NADK2: variants seen among roughly 807,000 people sequenced by gnomAD.
NADK2 encodes the protein NAD kinase domain-containing protein 1, mitochondrial.
NADK2 carries 35 observed loss-of-function variants against 62.1 expected under a neutral mutation model. That is an observed-to-expected ratio of 0.56 (90% CI 0.43 to 0.75). NADK2 has a LOEUF of 0.75. NADK2 is among the 30% of genes least tolerant of loss of function. The pLI is 0.00. For missense variants in NADK2, 439 were observed against 561.3 expected (o/e 0.78, Z 2.20); for synonymous variants, 205 against 207.9 (o/e 0.99, Z 0.12).
chr5:36,235,432 C>T (rs1164131397), intron 1 of NADK2, among the ~76,000 whole-genome samples: 1 of 152,078 alleles, frequency 6.6e-6, no homozygotes, highest in Non-Finnish European at 1.5e-5. Context: ...AATTATTTCA[C>T]CTTTCTAAAA....
chr5:36,232,061 C>T (rs1022924218), intron 1 of NADK2, among the ~76,000 whole-genome samples: 5 of 152,090 alleles, frequency 3.3e-5, no homozygotes, highest in African/African-American at 1.2e-4. Context: ...CTCCGAAAGC[C>T]AAGATCATGT....
intron 1 of NADK2, among the ~76,000 whole-genome samples, chr5:36,228,791 T>TA (rs199509559): frequency 3.3e-4 from 47 of 143,612 alleles, no homozygotes; most frequent in South Asian, 1.2e-3. Context: ...GCTAATTTAT[T>TA]TTATTTTTTT....
intron 7 of NADK2, among the ~76,000 whole-genome samples, chr5:36,211,188 A>G (rs1021234302): frequency 6.6e-6 from 1 of 152,178 alleles, no homozygotes; most frequent in Non-Finnish European, 1.5e-5. Context: ...TGATTGGGGA[A>G]GTGATAAATG....
intron 6 of NADK2, among the ~76,000 whole-genome samples, chr5:36,212,675 T>C (rs992722443): frequency 6.6e-6 from 1 of 152,180 alleles, no homozygotes; most frequent in Admixed American, 6.5e-5. Flanking sequence ...ATCAGATTTA[T>C]TGGACTCAAG....
intron 7 of NADK2, among the ~76,000 whole-genome samples, chr5:36,210,659 T>G (rs1464003908): frequency 6.6e-6 from 1 of 152,232 alleles, no homozygotes; most frequent in Non-Finnish European, 1.5e-5. Flanking sequence ...GCTAAGGAAG[T>G]GTTCTTAAAT....
intron 1 of NADK2, among the ~76,000 whole-genome samples, chr5:36,236,042 A>G (rs550612958): frequency 1.3e-5 from 2 of 152,220 alleles, no homozygotes; most frequent in Admixed American, 1.3e-4. Context: ...AGTTGAGAAG[A>G]GATTAATGTG....
intron 8 of NADK2, 58 bp downstream of exon 8, chr5:36,207,112 T>C: frequency 6.9e-7 from 1 of 1,446,362 alleles, no homozygotes; most frequent in Non-Finnish European, 9.7e-7. Context: ...TGGGCCAAAA[T>C]ATTACATTAC....
chr5:36,195,364 C>G (rs1746193097), intron 11 of NADK2, 82 bp from the exon 12 acceptor site: 18 of 1,359,352 alleles, frequency 1.3e-5, no homozygotes, highest in Non-Finnish European at 1.8e-5. Flanking sequence ...CCTAGCAGAT[C>G]ATTTGGCCTC....
In NADK2 at chr5:36,241,736, C is replaced by T. The variant is rs1748140394; in HGVS notation, c.63G>A (p.Ala21=). ...CTCCCGCACCCGGTCCCCGCAGCGC[C>T]GCCGCCCGGCCGCCCGCCACGCGAC... ...SCCRVAGGRA[A]ALRGPGAGGP... The change falls in exon 1 of 12, where the codon GCG becomes GCA. Residue 21 remains alanine, a synonymous_variant. Transcript: ENST00000381937. This position sits in a 1 kb window ranked among gnomAD's most constrained non-coding sequence, Gnocchi z 4.9. 7.8e-7 allele frequency: 1 copy of T among 1,277,200 alleles called. No homozygotes were observed. The highest frequency in any genetic ancestry group is 9.9e-7 in the Non-Finnish European group (1 of 1,006,932). The allele number at this position is 1,277,200 out of a possible 1,614,324, so 79.1% of individuals were successfully genotyped here.
intron 4 of NADK2, among the ~76,000 whole-genome samples, chr5:36,222,124 T>C (rs553850145): frequency 2.0e-5 from 3 of 152,206 alleles, no homozygotes; most frequent in East Asian, 3.9e-4. Flanking sequence ...AATAAATATA[T>C]AGGGATAAGT....
At chr5:36,234,372 C>CAAAAAAA (rs10551356) in intron 1 of NADK2, among the ~76,000 whole-genome samples, 1 of 77,232 alleles carries the variant, frequency 1.3e-5, no homozygotes, top group East Asian at 2.8e-4. Flanking sequence ...AACTCCGTCT[C>CAAAAAAA]AAAAAAAAAA....
rs1312735757 is a variant in NADK2 at position 36,241,134 on chromosome 5, G to A, written c.300+365C>T. The stretch of plus-strand genomic sequence containing the variant: ...GCCACTGGCTCACTTTCTTGGAGTG[G>A]GTCCCAACCAGGGAACGAGGGCGGG... On this transcript the variant is annotated intron_variant, in intron 1 of 11. Transcript: ENST00000381937. This position sits in a 1 kb window ranked among gnomAD's most constrained non-coding sequence, Gnocchi z 4.9. 6.6e-6 allele frequency among the ~76,000 whole-genome samples: 1 copy of A among 152,168 alleles called. No homozygotes were observed. Among genetic ancestry groups the A allele is most frequent in the Non-Finnish European group, 1.5e-5 (1 of 68,018 alleles).
At chr5:36,234,266 G>A (rs902788369) in intron 1 of NADK2, among the ~76,000 whole-genome samples, 5 of 150,444 alleles carry the variant, frequency 3.3e-5, no homozygotes, top group African/African-American at 4.9e-5. Context: ...CCAGCTACAC[G>A]GGAGGCTGAG....
chr5:36,203,812 C>G (rs956301282), intron 8 of NADK2, among the ~76,000 whole-genome samples: 2 of 152,118 alleles, frequency 1.3e-5, no homozygotes, highest in African/African-American at 2.4e-5. Context: ...CTAGCAGAAG[C>G]ACTACTTCAC....
chr5:36,234,293 A>G (rs917529582), intron 1 of NADK2, among the ~76,000 whole-genome samples: 1 of 148,532 alleles, frequency 6.7e-6, no homozygotes, highest in African/African-American at 2.5e-5. Context: ...GAATGGCGTG[A>G]ACCCGGGAGG....
chr5:36,211,821 C>T (rs1746856565), intron 7 of NADK2, 23 bp downstream of exon 7: 1 of 1,586,660 alleles, frequency 6.3e-7, no homozygotes, highest in East Asian at 2.2e-5. Flanking sequence ...ATTCCATGCT[C>T]AAGATCACAG....
chr5:36,200,409 C>CA, intron 9 of NADK2, 129 bp from the exon 10 acceptor site: 1 of 392,542 alleles, frequency 2.5e-6, no homozygotes, highest in Non-Finnish European at 4.2e-6. Context: ...TATTATGTAA[C>CA]ATAATAGCTA....
chr5:36,232,850 C>T (rs1747756126), intron 1 of NADK2, among the ~76,000 whole-genome samples: 1 of 152,124 alleles, frequency 6.6e-6, no homozygotes, highest in South Asian at 2.1e-4. Flanking sequence ...ACTGTTAGTC[C>T]ACGTCTCTTG....
At chr5:36,204,042 T>A (rs1386564611) in intron 8 of NADK2, among the ~76,000 whole-genome samples, 1 of 152,140 alleles carries the variant, frequency 6.6e-6, no homozygotes, top group Admixed American at 6.5e-5. Flanking sequence ...GACTCTTACT[T>A]CTTGTATAAC....
Sources: allele counts gnomAD v4.1 joint callset (sites outside exome capture counted in the v4.1 genomes callset), GRCh38; gene constraint gnomAD v4.1.1; non-coding constraint Gnocchi (gnomAD v3.1); transcripts MANE v1.5; gene names NCBI Gene and HGNC (gene_info 2026-07-23, HGNC 2026-07-21).